Variants in TNS4 observed in about 807,000 individuals in gnomAD.
TNS4 encodes tensin 4.
In TNS4, 46 loss-of-function variants were observed where a neutral mutation model predicts 70.4. That is an observed-to-expected ratio of 0.65 (90% CI 0.52 to 0.84). The LOEUF (loss-of-function observed/expected upper bound fraction) is 0.84, where lower values mean the gene tolerates loss of function less well. Among genes scored for constraint, TNS4 ranks in the 40% least tolerant of loss-of-function variants. The pLI, the probability that TNS4 is intolerant of heterozygous loss-of-function variation, is 0.00. For missense variants in TNS4, 863 were observed against 907.0 expected, an observed-to-expected ratio of 0.95 and a Z score of 0.62; for synonymous variants, 390 against 366.6, an observed-to-expected ratio of 1.06 and a Z score of -0.73.
chr17:40,496,166 G>C lies in TNS4; in HGVS notation c.260C>G (p.Ala87Gly). Residue 87 changes from alanine (A) to glycine (G), a missense_variant, in exon 2 of 13, where the codon GCC becomes GGC. Transcript: ENST00000254051. ...GTCAAGGTCCTCTGGGGTCCCCAAGGCCTTCTCACCAGGGGACGGCAGGAA... is the reference window on the plus strand; with the variant it reads ...GTCAAGGTCCTCTGGGGTCCCCAAGCCCTTCTCACCAGGGGACGGCAGGAA... ...TCFLPSPGEK[A>G]LGTPEDLDSY... 1 of 1,609,950 alleles carries C rather than the reference G, an allele frequency of 6.2e-7. No homozygotes were observed. The highest frequency in any genetic ancestry group is 8.5e-7 in the Non-Finnish European group (1 of 1,177,930).
In TNS4 at chr17:40,485,014, A is replaced by G. The variant is rs1309583442; in HGVS notation, c.1289-7T>C. On this transcript the variant is annotated splice_region_variant and splice_polypyrimidine_tract_variant and intron_variant, in intron 4 of 12. Transcript: ENST00000254051. ...TGCATGTCCCTGGCGGGACCTGGAG[A>G]CAGACAGAGAAGGGGGACCCTGTAG... 4.3e-6 allele frequency: 7 copies of G among 1,613,890 alleles called. No homozygotes were observed. The highest frequency in any genetic ancestry group is 5.9e-6 in the Non-Finnish European group (7 of 1,179,852).
intron 9 of TNS4, among the ~76,000 whole-genome samples, chr17:40,480,404 C>A (rs545685176): frequency 6.6e-6 from 1 of 152,248 alleles, no homozygotes; most frequent in East Asian, 1.9e-4. Context: ...TTTCTCAGAC[C>A]TAGAGAGACC....
Position 40,477,563 on chromosome 17 carries a change from G to A in TNS4, c.*25C>T. The A allele has an allele frequency of 6.2e-7, 1 of 1,613,274 alleles. No individual in the cohort carries two copies. Among genetic ancestry groups the A allele is most frequent in the Non-Finnish European group, 8.5e-7 (1 of 1,179,530 alleles). On this transcript the variant is annotated 3_prime_UTR_variant, in exon 13 of 13. Coordinates refer to ENST00000254051, the MANE Select transcript of TNS4 (RefSeq NM_032865.6). ...CCTTAGCGAGCCCCTGGAGGTGTTG[G>A]TTAGGTGCACAGGCAGTCTCTCCCC...
chr17:40,477,666 C>A lies in TNS4; in HGVS notation c.2070G>T (p.Ala690=). The A allele has an allele frequency of 6.2e-7, 1 of 1,614,090 alleles. No homozygotes were observed. Among genetic ancestry groups the A allele is most frequent in the Non-Finnish European group, 8.5e-7 (1 of 1,180,014 alleles). ...AGGCTGGCTGGACCATGTCATACTC[C>A]GCAAAGAGGTGGCATACGTTCTCCT... is the stretch of plus-strand genomic sequence containing the variant. The part of the protein sequence containing the change: ...EPQENVCHLF[A]EYDMVQPASQ... The change falls in exon 13 of 13, where the codon GCG becomes GCT. Residue 690 remains alanine (A), a synonymous_variant. Transcript: ENST00000254051.
intron 10 of TNS4, 53 bp downstream of exon 10, chr17:40,479,621 C>T: frequency 6.3e-7 from 1 of 1,580,506 alleles, no homozygotes; most frequent in South Asian, 1.2e-5. Flanking sequence ...CAGCTATCCC[C>T]TCCAGCTCTA....
At chr17:40,495,200 G>A (rs965831199) in intron 2 of TNS4, among the ~76,000 whole-genome samples, 5 of 152,118 alleles carry the variant, frequency 3.3e-5, no homozygotes, top group East Asian at 1.9e-4. Flanking sequence ...AATTCGTCAC[G>A]TCCCAATTAT....
At position 40,488,530 on chromosome 17, in the gene TNS4, A is replaced by G; in HGVS notation, c.863+16T>C. 6.7e-7 allele frequency: 1 copy of G among 1,496,078 alleles called. No individual in the cohort carries two copies. 92.7% of individuals were successfully genotyped at this position (1,496,078 alleles called of 1,614,324 possible). On this transcript the variant is annotated intron_variant, in intron 3 of 12. Transcript: ENST00000254051. ...CCTGTGTGTGTGTGTGCAATGTTAG[A>G]AGCTACAGAACCTACCTTCCAAACA...
chr17:40,478,327 C>T lies in TNS4; in HGVS notation c.1986G>A (p.Gln662=), dbSNP rs1190640277. Residue 662 remains glutamine (Q), a synonymous_variant, in exon 12 of 13, where the codon CAG becomes CAA. Transcript: ENST00000254051. The stretch of plus-strand genomic sequence containing the variant: ...CTTACCAGGAGGGTTTGCAGTACTT[C>T]TGCCACCTGTAGGAAAAGAACATGA... ...CGMDPEQRKW[Q]KYCKPSWIFG... 6.2e-7 allele frequency: 1 copy of T among 1,610,260 alleles called. No individual in the cohort carries two copies. Among genetic ancestry groups the T allele is most frequent in the South Asian group, 1.1e-5 (1 of 90,556 alleles).
intron 8 of TNS4, among the ~76,000 whole-genome samples, chr17:40,481,909 G>A (rs2035926142): frequency 6.6e-6 from 1 of 152,260 alleles, no homozygotes; most frequent in Admixed American, 6.5e-5. Context: ...GGTCTGCACA[G>A]CAATCCTATA....
intron 8 of TNS4, among the ~76,000 whole-genome samples, chr17:40,481,816 C>T (rs1394713423): frequency 6.6e-6 from 1 of 152,232 alleles, no homozygotes; most frequent in African/African-American, 2.4e-5. Flanking sequence ...GCTCTTTCAC[C>T]CTCTCAAAGC....
chr17:40,495,902 C>T (rs2036136019), intron 2 of TNS4, 85 bp downstream of exon 2: 18 of 1,440,728 alleles, frequency 1.2e-5, no homozygotes, highest in Middle Eastern at 3.7e-4. Flanking sequence ...GGACAGGGTC[C>T]CCTTCTCTGT....
At chr17:40,489,752 G>C (rs992098632) in intron 2 of TNS4, among the ~76,000 whole-genome samples, 1 of 138,768 alleles carries the variant, frequency 7.2e-6, no homozygotes, top group African/African-American at 2.8e-5. Context: ...CCGAGATTGC[G>C]CCACTGCACT....
Position 40,477,395 on chromosome 17 carries a change from G to T in TNS4, c.*193C>A. On this transcript the variant is annotated 3_prime_UTR_variant, in exon 13 of 13. Transcript: ENST00000254051. The stretch of plus-strand genomic sequence containing the variant: ...CTTCTTCTATGATTGAGGAAACTGA[G>T]GCCCGGGGGGTCTGGATGATGGTGA... 1 of 607,432 alleles carries T rather than the reference G, an allele frequency of 1.6e-6. No individual in the cohort carries two copies. Among genetic ancestry groups the T allele is most frequent in the Non-Finnish European group, 2.7e-6 (1 of 364,468 alleles). 37.6% of individuals were successfully genotyped at this position (607,432 alleles called of 1,614,324 possible).
chr17:40,487,159 G>T lies in TNS4; in HGVS notation c.1165C>A (p.Gln389Lys). Residue 389 changes from glutamine (Q) to lysine (K), a missense_variant, in exon 4 of 13, where the codon CAG (glutamine) becomes AAG (lysine). By Grantham distance (53) the Gln-to-Lys change is moderately conservative. Coordinates refer to ENST00000254051, the MANE Select transcript of TNS4 (RefSeq NM_032865.6). Reference sequence around the variant, plus strand: ...GAGTTCTGGTGTCCTGGGGTCCGCTGGGGTGGAGAAGACCCTGGTTCTGGG... The same window carrying T: ...GAGTTCTGGTGTCCTGGGGTCCGCTTGGGTGGAGAAGACCCTGGTTCTGGG... Reference protein sequence around the residue: ...GCPEPGSSPPQRTPGHQNSVQ... With the variant: ...GCPEPGSSPPKRTPGHQNSVQ... 3 of 1,614,172 alleles carry T rather than the reference G, an allele frequency of 1.9e-6. No individual in the cohort carries two copies. Among genetic ancestry groups the T allele is most frequent in the Non-Finnish European group, 2.5e-6 (3 of 1,180,006 alleles).
intron 1 of TNS4, among the ~76,000 whole-genome samples, chr17:40,498,682 C>T (rs577820987): frequency 3.9e-4 from 59 of 152,220 alleles, no homozygotes; most frequent in African/African-American, 1.3e-3. Context: ...CTCACCCTCC[C>T]GAGTAGCTGG....
At position 40,477,412 on chromosome 17, in the gene TNS4, T is replaced by A; in HGVS notation, c.*176A>T. 1.4e-6 allele frequency: 1 copy of A among 723,804 alleles called. No individual in the cohort carries two copies. 44.8% of individuals were successfully genotyped at this position (723,804 alleles called of 1,614,324 possible). ...GAAACTGAGGCCCGGGGGGTCTGGA[T>A]GATGGTGACTGCTGAAGGCCATAGC... On this transcript the variant is annotated 3_prime_UTR_variant, in exon 13 of 13. Coordinates refer to ENST00000254051, the MANE Select transcript of TNS4 (RefSeq NM_032865.6).
rs183458677 is a variant in TNS4, at chr17:40,500,386, T to C, written c.-96+1148A>G. Reference sequence around the variant, plus strand: ...TCCTGTATTCCTGAATGCTGCCCCCTTCGCGGCCCCGCACACTCCTCTAAC... The same window carrying C: ...TCCTGTATTCCTGAATGCTGCCCCCCTCGCGGCCCCGCACACTCCTCTAAC... On this transcript the variant is annotated intron_variant, in intron 1 of 12. Transcript: ENST00000254051. Among the ~76,000 whole-genome samples, 31 of 152,320 alleles carry C rather than the reference T, an allele frequency of 2.0e-4. 1 individual carries two copies. In the East Asian group the frequency reaches 5.4e-3, roughly 27 times the overall value.
At chr17:40,489,878 C>T (rs549159079) in intron 2 of TNS4, among the ~76,000 whole-genome samples, 1 of 151,950 alleles carries the variant, frequency 6.6e-6, no homozygotes, top group Non-Finnish European at 1.5e-5. Context: ...ACACTAGACT[C>T]ACCCCAGGCT....
intron 1 of TNS4, among the ~76,000 whole-genome samples, chr17:40,501,304 G>A (rs1253343911): frequency 6.6e-6 from 1 of 152,002 alleles, no homozygotes; most frequent in Admixed American, 6.6e-5. Context: ...AAAATTAGCC[G>A]GGCATGGTGG....
Sources: allele counts gnomAD v4.1 joint callset (sites outside exome capture counted in the v4.1 genomes callset), GRCh38; gene constraint gnomAD v4.1.1; transcripts MANE v1.5; gene names NCBI Gene and HGNC (gene_info 2026-07-23, HGNC 2026-07-21).